The following TGIF2 variants were observed in gnomAD, a reference collection of about 807,000 sequenced individuals.
TGIF2 encodes TGFB induced factor homeobox 2.
TGIF2 carries 5 observed loss-of-function variants against 15.1 expected under a neutral mutation model. The ratio of observed to expected loss-of-function variants is 0.33; its 90% CI spans 0.17 to 0.70. TGIF2 has a LOEUF of 0.70. Among genes scored for constraint, TGIF2 ranks in the 30% least tolerant of loss-of-function variants. TGIF2 has a pLI of 0.67. For synonymous variants in TGIF2, 131 were observed against 128.9 expected, an observed-to-expected ratio of 1.02 and a Z score of -0.11; for missense variants, 264 against 302.5, an observed-to-expected ratio of 0.87 and a Z score of 0.94.
chr20:36,591,170 G>A lies in TGIF2; in HGVS notation c.453G>A (p.Leu151=). 2 of 1,614,174 alleles carry A rather than the reference G, an allele frequency of 1.2e-6. No individual in the cohort carries two copies. Among genetic ancestry groups the A allele is most frequent in the South Asian group, 1.1e-5 (1 of 91,090 alleles). ...CAGCCCCTTTCCCACGTGGGGAGCTGGAGTCTCCCAAGCCCCTGGTGACCC... is the reference window on the plus strand; with the variant it reads ...CAGCCCCTTTCCCACGTGGGGAGCTAGAGTCTCCCAAGCCCCTGGTGACCC... ...KPAAPFPRGE[L]ESPKPLVTPG... Residue 151 remains leucine, a synonymous_variant, in exon 3 of 3, where the codon CTG becomes CTA. Coordinates refer to ENST00000373872, the MANE Select transcript of TGIF2 (RefSeq NM_021809.7). This position sits in a 1 kb window ranked among gnomAD's most constrained non-coding sequence, Gnocchi z 5.3.
intron 2 of TGIF2, among the ~76,000 whole-genome samples, chr20:36,585,426 C>T (rs1443911098): frequency 7.0e-6 from 1 of 142,348 alleles, no homozygotes; most frequent in Non-Finnish European, 1.5e-5. Flanking sequence ...GATCATGCCA[C>T]TGCACTCCAG....
Position 36,591,608 on chromosome 20 carries a change from C to G in TGIF2, c.*177C>G, listed in dbSNP as rs1165122347. The G allele has an allele frequency of 4.6e-6, 3 of 645,816 alleles. No homozygotes were observed. The highest frequency in any genetic ancestry group is 7.7e-6 in the Non-Finnish European group (3 of 389,680). The allele number at this position is 645,816 out of a possible 1,614,324, so 40.0% of individuals were successfully genotyped here. A position where few individuals can be genotyped will look rare whatever the true frequency, so the allele number is the denominator to read the frequency against. ...GCACCACTGCACTGTGATGGGGGCC[C>G]TCTCCTCTGCTGACTCTGCCGTTTC... On this transcript the variant is annotated 3_prime_UTR_variant, in exon 3 of 3. Transcript: ENST00000373872. The surrounding 1 kb of genome is among the most constrained non-coding windows in gnomAD (Gnocchi z 5.3).
At chr20:36,588,812 A>G (rs2038712649) in intron 2 of TGIF2, among the ~76,000 whole-genome samples, 1 of 152,142 alleles carries the variant, frequency 6.6e-6, no homozygotes, top group African/African-American at 2.4e-5. Flanking sequence ...AGGTTAGGAG[A>G]AAAGACAGGA....
intron 2 of TGIF2, 32 bp from the exon 3 acceptor site, chr20:36,590,877 AG>A: frequency 6.7e-7 from 1 of 1,502,724 alleles, no homozygotes; most frequent in South Asian, 1.4e-5. Flanking sequence ...TTTTAGATTA[AG>A]CAAATTGATC....
rs574208146 is a variant in TGIF2, at chr20:36,584,631, C to G, written c.192+5665C>G. The stretch of plus-strand genomic sequence containing the variant: ...GCGCAATCTCAGTTCACTGCAACTT[C>G]TGCTGCCCAGGTTCAAGCAATTCTC... On this transcript the variant is annotated intron_variant, in intron 2 of 2. Transcript: ENST00000373872. 2.0e-5 allele frequency among the ~76,000 whole-genome samples: 3 copies of G among 151,752 alleles called. No homozygotes were observed. In the South Asian group the frequency reaches 6.2e-4, roughly 32 times the overall value.
chr20:36,580,805 C>A (rs2038529137), intron 2 of TGIF2, among the ~76,000 whole-genome samples: 2 of 84,038 alleles, frequency 2.4e-5, no homozygotes, highest in Non-Finnish European at 4.1e-5. Context: ...AGGAGTGAGA[C>A]ATTGTCTCAA....
At chr20:36,579,115 C>A in intron 2 of TGIF2, 149 bp downstream of exon 2, 1 of 1,080,828 alleles carries the variant, frequency 9.3e-7, no homozygotes, top group Non-Finnish European at 1.3e-6. Context: ...AACACCCACT[C>A]TCCCTGTCTC....
chr20:36,579,590 C>T (rs2038502619), intron 2 of TGIF2, among the ~76,000 whole-genome samples: 2 of 152,200 alleles, frequency 1.3e-5, no homozygotes, highest in African/African-American at 2.4e-5. Context: ...ATTCAGCCCC[C>T]AGCCCCAACG....
At chr20:36,584,446 A>G (rs1384261326) in intron 2 of TGIF2, among the ~76,000 whole-genome samples, 1 of 152,214 alleles carries the variant, frequency 6.6e-6, no homozygotes, top group East Asian at 1.9e-4. Context: ...AAAGTGGTGG[A>G]AGGGTCAACA....
chr20:36,590,860 A>G (rs762294549), intron 2 of TGIF2, 50 bp from the exon 3 acceptor site: 4 of 1,497,630 alleles, frequency 2.7e-6, no homozygotes, highest in Non-Finnish European at 3.6e-6. Flanking sequence ...TGCCCAGCCC[A>G]TAGCTGTTTT....
Position 36,586,794 on chromosome 20 carries a change from C to T in TGIF2, c.193-4116C>T, listed in dbSNP as rs2038669058. ...GGTAGTCTCAGTGTGAATGGTGGTACCATGATGTTTGGGAAAGGCGCCTCA... is the reference window on the plus strand; with the variant it reads ...GGTAGTCTCAGTGTGAATGGTGGTATCATGATGTTTGGGAAAGGCGCCTCA... On this transcript the variant is annotated intron_variant, in intron 2 of 2. Coordinates refer to ENST00000373872, the MANE Select transcript of TGIF2 (RefSeq NM_021809.7). 1.3e-5 allele frequency among the ~76,000 whole-genome samples: 2 copies of T among 150,384 alleles called. 1 individual carries two copies. The highest frequency in any genetic ancestry group is 4.2e-4 in the South Asian group (2 of 4,782).
At chr20:36,580,403 ACCTTGGCCAGGTCACTGC>A (rs2038519249) in intron 2 of TGIF2, among the ~76,000 whole-genome samples, 1 of 152,222 alleles carries the variant, frequency 6.6e-6, no homozygotes, top group Middle Eastern at 3.4e-3. Context: ...GGAAACCTGG[ACCTTGGCCAGGTCACTGC>A]CTTCTCTGTG....
chr20:36,576,019 G>T (rs1244480020), intron 1 of TGIF2, among the ~76,000 whole-genome samples: 1 of 151,774 alleles, frequency 6.6e-6, no homozygotes, highest in Admixed American at 6.6e-5. Flanking sequence ...TTGAACCTGG[G>T]AGATGGAGAT....
intron 2 of TGIF2, among the ~76,000 whole-genome samples, chr20:36,580,349 C>G (rs2038518652): frequency 6.6e-6 from 1 of 152,156 alleles, no homozygotes; most frequent in African/African-American, 2.4e-5. Flanking sequence ...GAGAAAGGCT[C>G]TAAAGTTACA....
chr20:36,578,277 G>A (rs1437383815), intron 1 of TGIF2, among the ~76,000 whole-genome samples: 2 of 152,038 alleles, frequency 1.3e-5, no homozygotes, highest in Non-Finnish European at 2.9e-5. Flanking sequence ...AGCCAGGCAT[G>A]GTGGTGCATG....
At chr20:36,586,526 CT>C (rs1722177520) in intron 2 of TGIF2, among the ~76,000 whole-genome samples, 2 of 152,166 alleles carry the variant, frequency 1.3e-5, no homozygotes, top group African/African-American at 4.8e-5. Context: ...GAAACCCTGT[CT>C]CTATTAAAAA....
At position 36,591,181 on chromosome 20, in the gene TGIF2, A is replaced by T; in HGVS notation, c.464A>T (p.Lys155Met). The T allele has an allele frequency of 6.2e-7, 1 of 1,614,150 alleles. No individual in the cohort carries two copies. The highest frequency in any genetic ancestry group is 8.5e-7 in the Non-Finnish European group (1 of 1,179,998). ...CCACGTGGGGAGCTGGAGTCTCCCA[A>T]GCCCCTGGTGACCCCTGGTAGCACA... The part of the protein sequence containing the change: ...PFPRGELESP[K>M]PLVTPGSTLT... Residue 155 changes from lysine to methionine, a missense_variant, in exon 3 of 3, where the codon AAG (lysine) becomes ATG (methionine). Lys to Met is a moderately conservative substitution (Grantham distance 95). Transcript: ENST00000373872. The surrounding 1 kb of genome is among the most constrained non-coding windows in gnomAD (Gnocchi z 5.3).
intron 2 of TGIF2, among the ~76,000 whole-genome samples, chr20:36,583,464 G>GAA (rs1289215446): frequency 1.1e-5 from 1 of 91,076 alleles, no homozygotes; most frequent in African/African-American, 4.0e-5. Flanking sequence ...TCTCTAAAAA[G>GAA]AAAAAAAAAA....
intron 2 of TGIF2, among the ~76,000 whole-genome samples, chr20:36,588,048 T>C (rs1174053702): frequency 3.4e-5 from 5 of 147,810 alleles, no homozygotes; most frequent in Non-Finnish European, 7.4e-5. Flanking sequence ...CCAGCCTGGG[T>C]GACAGAGTGA....
Sources: gnomAD v4.1 joint callset for allele counts (sites outside exome capture counted in the v4.1 genomes callset) on GRCh38, gnomAD v4.1.1 for gene constraint, Gnocchi (gnomAD v3.1) non-coding constraint, MANE v1.5 for transcripts, NCBI Gene and HGNC (gene_info 2026-07-23, HGNC 2026-07-21) for gene names.